Variants in SLC26A4 observed in about 807,000 individuals in gnomAD.
The protein encoded by SLC26A4 is solute carrier family 26 member 4.
SLC26A4 carries 93 observed loss-of-function variants against 90.4 expected under a neutral mutation model. That is an observed-to-expected ratio of 1.03 (90% confidence interval 0.87 to 1.22). The LOEUF is 1.22. SLC26A4 is among the 50% of genes most tolerant of loss of function. The probability of loss-of-function intolerance (pLI) is 0.00; values close to 1 mark genes in which losing one functional copy is unlikely to be tolerated. For missense variants in SLC26A4, 1,127 were observed against 946.2 expected, an observed-to-expected ratio of 1.19 and a Z score of -2.51; for synonymous variants, 393 against 354.6, an observed-to-expected ratio of 1.11 and a Z score of -1.22.
chr7:107,672,319 T>G, intron 4 of SLC26A4, 71 bp downstream of exon 4: 3 of 823,812 alleles, frequency 3.6e-6, no homozygotes, highest in Non-Finnish European at 4.0e-6. Flanking sequence ...AAGTGCATTA[T>G]ACCTCTATTA....
chr7:107,700,820 A>G (rs1791864683), intron 15 of SLC26A4, among the ~76,000 whole-genome samples: 1 of 152,192 alleles, frequency 6.6e-6, no homozygotes, highest in Non-Finnish European at 1.5e-5. Flanking sequence ...GAAAACCCAG[A>G]CTTAAACTAA....
At chr7:107,701,235 C>A (rs1791878183) in intron 16 of SLC26A4, 39 bp downstream of exon 16, 1 of 1,316,580 alleles carries the variant, frequency 7.6e-7, no homozygotes, top group Non-Finnish European at 1.1e-6. Context: ...AAATTATTTC[C>A]TTTCCCTGAT....
chr7:107,694,971 C>T (rs1293854438), intron 12 of SLC26A4, among the ~76,000 whole-genome samples: 1 of 152,170 alleles, frequency 6.6e-6, no homozygotes, highest in Non-Finnish European at 1.5e-5. Flanking sequence ...CACCTTTGGC[C>T]TTCTAAACAC....
At chr7:107,668,299 G>A (rs1790771268) in intron 3 of SLC26A4, among the ~76,000 whole-genome samples, 1 of 152,202 alleles carries the variant, frequency 6.6e-6, no homozygotes, top group Admixed American at 6.5e-5. Flanking sequence ...TGGAAGTGAA[G>A]ACAGGAAGGT....
Position 107,708,001 on chromosome 7 carries a change from A to G in SLC26A4, c.2090-2053A>G, listed in dbSNP as rs1792076055. ...AGGCAAAAAGCACAAGAAGAGTTAT[A>G]TTGATGAAACATGAAATCTCTGTTT... is the stretch of plus-strand genomic sequence containing the variant. On this transcript the variant is annotated intron_variant, in intron 18 of 20. Transcript: ENST00000644269. Among the ~76,000 whole-genome samples, 3 of 152,218 alleles carry G rather than the reference A, an allele frequency of 2.0e-5. No individual in the cohort carries two copies. The South Asian group carries it at 6.2e-4, about 31-fold the overall frequency.
chr7:107,687,009 G>A (rs1791440363), intron 8 of SLC26A4, among the ~76,000 whole-genome samples: 1 of 152,188 alleles, frequency 6.6e-6, no homozygotes, highest in Non-Finnish European at 1.5e-5. Flanking sequence ...CTGGAGTGGT[G>A]GTGCATTTGC....
At chr7:107,686,259 TCTTCCCTTCCTTCCCTCC>T (rs1424324777) in intron 8 of SLC26A4, among the ~76,000 whole-genome samples, 31 of 146,416 alleles carry the variant, frequency 2.1e-4, no homozygotes, top group African/African-American at 7.3e-4. Context: ...TCTCTTTCTT[TCTTCCCTTCCTTCCCTCC>T]CTTCCCTCCC....
chr7:107,677,394 C>T (rs1192382479), intron 6 of SLC26A4, among the ~76,000 whole-genome samples: 4 of 152,034 alleles, frequency 2.6e-5, no homozygotes, highest in Admixed American at 1.3e-4. Context: ...AAAGAAAATA[C>T]GTGTAAGGCA....
chr7:107,664,937 G>A (rs983717881), intron 3 of SLC26A4, among the ~76,000 whole-genome samples: 1 of 152,142 alleles, frequency 6.6e-6, no homozygotes, highest in African/African-American at 2.4e-5. Flanking sequence ...CACTAGGTAT[G>A]CTGACACGAA....
chr7:107,663,556 GC>G, intron 3 of SLC26A4, 121 bp downstream of exon 3: 1 of 1,081,402 alleles, frequency 9.2e-7, no homozygotes, highest in South Asian at 1.3e-5. Context: ...TTCCTGTAGA[GC>G]CCCTTAGTGG....
At chr7:107,706,577 A>G (rs768710288) in intron 18 of SLC26A4, among the ~76,000 whole-genome samples, 4 of 152,214 alleles carry the variant, frequency 2.6e-5, no homozygotes, top group Non-Finnish European at 5.9e-5. Context: ...GATGTATCTA[A>G]TATCTTGAAG....
At chr7:107,676,861 A>G (rs1296389216) in intron 6 of SLC26A4, among the ~76,000 whole-genome samples, 2 of 152,180 alleles carry the variant, frequency 1.3e-5, no homozygotes, top group African/African-American at 4.8e-5. Context: ...TAGACAGAGG[A>G]GGCAGAATAA....
In SLC26A4 at chr7:107,695,934, T is replaced by C. The variant is rs1314376649; in HGVS notation, c.1439T>C (p.Val480Ala). The C allele has an allele frequency of 1.9e-6, 3 of 1,552,788 alleles. No individual in the cohort carries two copies. The highest frequency in any genetic ancestry group is 3.3e-5 in the Admixed American group (2 of 59,900). Reference sequence around the variant, plus strand: ...TTTCATTTCTATTTTTTTCCCTAGGTTATCTGGGTGTTTACGTGTATAGTG... The same window carrying C: ...TTTCATTTCTATTTTTTTCCCTAGGCTATCTGGGTGTTTACGTGTATAGTG... ...RLWRQNKIDA[V>A]IWVFTCIVSI... is the part of the protein sequence containing the mutation. Residue 480 changes from valine to alanine, a missense_variant and splice_region_variant, in exon 13 of 21, where the codon GTT becomes GCT. Coordinates refer to ENST00000644269, the MANE Select transcript of SLC26A4 (RefSeq NM_000441.2).
chr7:107,663,558 C>G lies in SLC26A4; in HGVS notation c.304+123C>G, dbSNP rs1235878001. 7 of 1,069,892 alleles carry G rather than the reference C, an allele frequency of 6.5e-6. No individual in the cohort carries two copies. In the Admixed American group the frequency reaches 1.3e-4, roughly 20 times the overall value. The allele number at this position is 1,069,892 out of a possible 1,614,324, so 66.3% of individuals were successfully genotyped here. On this transcript the variant is annotated intron_variant, in intron 3 of 20. Transcript: ENST00000644269. ...AAGGCCTGTATCTTTCCTGTAGAGC[C>G]CCTTAGTGGAGAGAGTCACCTCTCT... is the stretch of plus-strand genomic sequence containing the variant.
At chr7:107,671,341 G>A (rs1358730884) in intron 3 of SLC26A4, among the ~76,000 whole-genome samples, 1 of 151,976 alleles carries the variant, frequency 6.6e-6, no homozygotes, top group Non-Finnish European at 1.5e-5. Flanking sequence ...TCATTTTATT[G>A]TAGAGATGGA....
intron 3 of SLC26A4, among the ~76,000 whole-genome samples, chr7:107,671,071 T>C (rs1402570428): frequency 6.6e-6 from 1 of 152,234 alleles, no homozygotes; most frequent in Non-Finnish European, 1.5e-5. Context: ...TAACAATGAC[T>C]GTGTCCCTCA....
chr7:107,690,063 T>C, intron 9 of SLC26A4, 61 bp from the exon 10 acceptor site: 1 of 945,684 alleles, frequency 1.1e-6, no homozygotes, highest in Non-Finnish European at 1.8e-6. Flanking sequence ...CCTGAAATAC[T>C]CAGCGAAGGT....
At chr7:107,713,395 C>G (rs912039167) in intron 20 of SLC26A4, among the ~76,000 whole-genome samples, 5 of 152,196 alleles carry the variant, frequency 3.3e-5, no homozygotes, top group African/African-American at 1.2e-4. Flanking sequence ...GCTTACAGAA[C>G]TCAATTTGGC....
At chr7:107,686,560 T>C (rs1791426591) in intron 8 of SLC26A4, among the ~76,000 whole-genome samples, 1 of 151,898 alleles carries the variant, frequency 6.6e-6, no homozygotes, top group East Asian at 1.9e-4. Context: ...TGATCTCGGC[T>C]CACTGCAACC....
Sources: allele counts gnomAD v4.1 joint callset (sites outside exome capture counted in the v4.1 genomes callset), GRCh38; gene constraint gnomAD v4.1.1; transcripts MANE v1.5; gene names NCBI Gene and HGNC (gene_info 2026-07-23, HGNC 2026-07-21).